ZC3H7A: variants seen among roughly 807,000 people sequenced by gnomAD.
The protein encoded by ZC3H7A is zinc finger CCCH-type containing 7A, also known as zinc finger CCCH domain-containing protein 7A.
In ZC3H7A, 44 loss-of-function variants were observed where a neutral mutation model predicts 125.5. That is an observed-to-expected ratio of 0.35 (90% CI 0.28 to 0.45). The LOEUF (loss-of-function observed/expected upper bound fraction) is 0.45, where lower values mean the gene tolerates loss of function less well. Ranked by LOEUF, ZC3H7A falls within the 20% of genes least tolerant of loss-of-function variation. ZC3H7A has a pLI of 1.00. For synonymous variants in ZC3H7A, 399 were observed against 391.2 expected (o/e 1.02, Z -0.23); for missense variants, 977 against 1,170.7 (o/e 0.83, Z 2.41).
intron 19 of ZC3H7A, chr16:11,759,666 C>T (rs986047100): frequency 3.3e-5 from 5 of 152,194 alleles, no homozygotes; most frequent in Non-Finnish European, 2.9e-5. Flanking sequence ...TACATAACAC[C>T]ATCACACATA....
intron 1 of ZC3H7A, among the ~76,000 whole-genome samples, chr16:11,789,498 C>A (rs1427316612): frequency 6.6e-6 from 1 of 152,086 alleles, no homozygotes; most frequent in South Asian, 2.1e-4. Context: ...AGGTGATCGG[C>A]CTGCCTTGGC....
chr16:11,762,297 G>A (rs1403347807), intron 17 of ZC3H7A, among the ~76,000 whole-genome samples: 2 of 152,052 alleles, frequency 1.3e-5, no homozygotes, highest in African/African-American at 4.8e-5. Context: ...GACTAGAATT[G>A]TTTCATTTGG....
intron 1 of ZC3H7A, among the ~76,000 whole-genome samples, chr16:11,783,927 G>A (rs1015777918): frequency 7.9e-5 from 12 of 151,924 alleles, no homozygotes; most frequent in African/African-American, 2.9e-4. Context: ...GTGTTTACAT[G>A]GGAAAGGATA....
chr16:11,773,211 C>G (rs1009879021), intron 9 of ZC3H7A, among the ~76,000 whole-genome samples: 1 of 151,822 alleles, frequency 6.6e-6, no homozygotes, highest in African/African-American at 2.4e-5. Context: ...GACAGGGTCT[C>G]GCTGTGTTGC....
chr16:11,764,081 A>G (rs1449011062), intron 15 of ZC3H7A, among the ~76,000 whole-genome samples: 2 of 151,730 alleles, frequency 1.3e-5, no homozygotes, highest in Non-Finnish European at 2.9e-5. Flanking sequence ...GGCGTGAGCC[A>G]TGGAGCCCAG....
chr16:11,761,883 G>C (rs1360212185), intron 18 of ZC3H7A, 27 bp downstream of exon 18: 4 of 1,603,440 alleles, frequency 2.5e-6, no homozygotes, highest in Non-Finnish European at 3.4e-6. Context: ...TTACAAAATA[G>C]GAATTGTTTC....
intron 18 of ZC3H7A, 47 bp downstream of exon 18, chr16:11,761,862 GA>G: frequency 6.3e-7 from 1 of 1,599,840 alleles, no homozygotes; most frequent in East Asian, 2.2e-5. Context: ...TTATACCTAC[GA>G]AACAGAAAAT....
rs144749658 is a variant in ZC3H7A at position 11,762,710 on chromosome 16, T to C, written c.2040A>G (p.Arg680=). 1.3e-4 allele frequency: 208 copies of C among 1,613,968 alleles called. No homozygotes were observed. In the African/African-American group the frequency reaches 2.6e-3, roughly 20 times the overall value. The part of the protein sequence containing the change: ...SHDAIAQESK[R]YWQNLEANVP... ...CATTTGCTTCCAAATTCTGCCAATA[T>C]CGTTTAGACTCTTGAGCAATAGCAT... Residue 680 remains arginine, a synonymous_variant, in exon 17 of 23, where the codon CGA becomes CGG. Coordinates refer to ENST00000355758, the MANE Select transcript of ZC3H7A (RefSeq NM_014153.4).
chr16:11,751,342 C>G lies in ZC3H7A; in HGVS notation c.2891G>C (p.Ser964Thr). ...GPNDNDFGKYSFLFKDLN is the reference protein window; with the variant it reads ...GPNDNDFGKYTFLFKDLN Reference sequence around the variant, plus strand: ...TTAGTTTAAATCTTTAAACAAAAAACTATATTTTCCAAAGTCATTATCATT... The same window carrying G: ...TTAGTTTAAATCTTTAAACAAAAAAGTATATTTTCCAAAGTCATTATCATT... The change falls in exon 23 of 23, where the codon AGT becomes ACT. Residue 964 changes from serine to threonine, a missense_variant. Ser to Thr is a moderately conservative substitution (Grantham distance 58). Coordinates refer to ENST00000355758, the MANE Select transcript of ZC3H7A (RefSeq NM_014153.4). 1 of 1,612,600 alleles carries G rather than the reference C, an allele frequency of 6.2e-7. No individual in the cohort carries two copies.
At chr16:11,771,172 G>C (rs2052974308) in intron 9 of ZC3H7A, among the ~76,000 whole-genome samples, 185 bp from the exon 10 acceptor site, 1 of 152,098 alleles carries the variant, frequency 6.6e-6, no homozygotes, top group Non-Finnish European at 1.5e-5. Context: ...CGGACTGCCT[G>C]AGCTCAGGAG....
In ZC3H7A at chr16:11,756,228, G is replaced by A. The variant is rs1008176440; in HGVS notation, c.2562+9C>T. On this transcript the variant is annotated intron_variant, in intron 21 of 22. Transcript: ENST00000355758. ...GGCAAAGAGAGGGTAAATGACGCAC[G>A]GTACTCACTGTAACTTCAGCATAAT... 8.7e-6 allele frequency: 14 copies of A among 1,609,066 alleles called. No homozygotes were observed. Among genetic ancestry groups the A allele is most frequent in the Admixed American group, 5.1e-5 (3 of 58,474 alleles).
chr16:11,768,429 C>G lies in ZC3H7A; in HGVS notation c.1246G>C (p.Gly416Arg), dbSNP rs1328159551. 1 of 1,577,488 alleles carries G rather than the reference C, an allele frequency of 6.3e-7. No individual in the cohort carries two copies. The highest frequency in any genetic ancestry group is 1.2e-5 in the South Asian group (1 of 85,762). ...GISSQPRNDF[G>R]NFFGSAVTKP... ...GTAACTGCACTTCCAAAAAAGTTTC[C>G]AAAGTCATTTCTAGGCTGACTTGAA... Residue 416 changes from glycine to arginine, a missense_variant, in exon 12 of 23, where the codon GGA (glycine) becomes CGA (arginine). By Grantham distance (125) the Gly-to-Arg change is moderately radical. Transcript: ENST00000355758.
chr16:11,795,204 G>C (rs1017467230), intron 1 of ZC3H7A, among the ~76,000 whole-genome samples: 3 of 152,178 alleles, frequency 2.0e-5, no homozygotes, highest in Non-Finnish European at 1.5e-5. Context: ...GACCCATTGT[G>C]CAATTCAGTT....
chr16:11,771,139 A>G, intron 9 of ZC3H7A, 152 bp from the exon 10 acceptor site: 1 of 788,368 alleles, frequency 1.3e-6, no homozygotes. Flanking sequence ...TGTAATCCTA[A>G]CACTTTGGGA....
intron 10 of ZC3H7A, among the ~76,000 whole-genome samples, chr16:11,769,638 G>A (rs1003277740): frequency 1.2e-4 from 16 of 137,714 alleles, no homozygotes; most frequent in African/African-American, 4.5e-4. Context: ...TTGAACCCAA[G>A]AGGCAGAGGT....
chr16:11,751,949 A>C (rs1458847798), intron 22 of ZC3H7A, among the ~76,000 whole-genome samples: 1 of 135,330 alleles, frequency 7.4e-6, no homozygotes, highest in Non-Finnish European at 1.5e-5. Flanking sequence ...TTTGTTGCCC[A>C]GGCTGAAGTG....
intron 1 of ZC3H7A, among the ~76,000 whole-genome samples, chr16:11,792,493 A>T (rs148332354): frequency 8.0e-4 from 122 of 152,374 alleles, no homozygotes; most frequent in African/African-American, 2.8e-3. Flanking sequence ...TTGACCTTAC[A>T]TGGTAACTTT....
At chr16:11,762,885 C>T (rs773217126) in intron 16 of ZC3H7A, 138 bp from the exon 17 acceptor site, 71 of 703,332 alleles carry the variant, frequency 1.0e-4, no homozygotes, top group Non-Finnish European at 1.6e-4. Flanking sequence ...GGATGAATAC[C>T]ACGTTTCTCT....
intron 19 of ZC3H7A, 72 bp from the exon 20 acceptor site, chr16:11,758,611 C>T (rs903657506): frequency 1.1e-5 from 11 of 1,026,282 alleles, no homozygotes; most frequent in South Asian, 5.4e-5. Flanking sequence ...TACATTTAAG[C>T]AAAAGAAGCA....
Sources: gnomAD v4.1 joint callset for allele counts (sites outside exome capture counted in the v4.1 genomes callset) on GRCh38, gnomAD v4.1.1 for gene constraint, MANE v1.5 for transcripts, NCBI Gene and HGNC (gene_info 2026-07-23, HGNC 2026-07-21) for gene names.